VPS54: variants seen among roughly 807,000 people sequenced by gnomAD.
VPS54 encodes vacuolar protein sorting-associated protein 54.
A neutral mutation model predicts 121.5 loss-of-function variants in VPS54; 45 were observed. The ratio of observed to expected loss-of-function variants is 0.37; its 90% CI spans 0.29 to 0.47. The LOEUF is 0.47. Ranked by LOEUF, VPS54 falls within the 20% of genes least tolerant of loss-of-function variation. The pLI, the probability that VPS54 is intolerant of heterozygous loss-of-function variation, is 0.99. For synonymous variants in VPS54, 371 were observed against 385.8 expected (o/e 0.96, Z 0.45); for missense variants, 1,090 against 1,131.4 (o/e 0.96, Z 0.52).
At chr2:63,978,918 C>G (rs1256326133) in intron 3 of VPS54, among the ~76,000 whole-genome samples, 1 of 152,158 alleles carries the variant, frequency 6.6e-6, no homozygotes, top group Non-Finnish European at 1.5e-5. Context: ...CCATGCCCAG[C>G]CAGATTATCT....
At chr2:64,015,230 A>G (rs1224356110) in intron 1 of VPS54, among the ~76,000 whole-genome samples, 2 of 152,228 alleles carry the variant, frequency 1.3e-5, no homozygotes, top group African/African-American at 4.8e-5. Flanking sequence ...CCAAATTTGC[A>G]GTAAATTAAG....
intron 1 of VPS54, among the ~76,000 whole-genome samples, chr2:64,001,272 GCT>G (rs1263780583): frequency 6.6e-6 from 1 of 152,104 alleles, no homozygotes; most frequent in Non-Finnish European, 1.5e-5. Flanking sequence ...CCTTCAGTAA[GCT>G]CCCCTCTGGT....
intron 7 of VPS54, among the ~76,000 whole-genome samples, chr2:63,957,634 G>A (rs1675565105): frequency 6.6e-6 from 1 of 151,904 alleles, no homozygotes; most frequent in Admixed American, 6.6e-5. Flanking sequence ...AATCAAACTT[G>A]GAACTTATAC....
chr2:63,920,700 G>A (rs1440002), intron 13 of VPS54, 73 bp from the exon 14 acceptor site: 179,889 of 827,290 alleles, frequency 0.22, 20,811 homozygotes, highest in African/African-American at 0.34. Flanking sequence ...TTAGTTTAAC[G>A]ATTATTATAA....
rs1168956821 is a variant in VPS54 at position 63,923,294 on chromosome 2, C to T, written c.1740-1959G>A. 2.8e-5 allele frequency among the ~76,000 whole-genome samples: 4 copies of T among 145,310 alleles called. No individual in the cohort carries two copies. In the Admixed American group the frequency reaches 2.8e-4, roughly 10 times the overall value. On this transcript the variant is annotated intron_variant, in intron 12 of 22. Transcript: ENST00000272322. ...TCGCACCACTGCACTCCAGCCTGGG[C>T]AAAGGAGTGAGGAAAAAAAAAAAGA...
chr2:63,925,518 A>T (rs1334985234), intron 12 of VPS54, among the ~76,000 whole-genome samples: 1 of 152,230 alleles, frequency 6.6e-6, no homozygotes, highest in African/African-American at 2.4e-5. Flanking sequence ...TATATATTCA[A>T]CAGCAATGCT....
intron 20 of VPS54, among the ~76,000 whole-genome samples, chr2:63,903,325 G>A (rs1672768499): frequency 6.6e-6 from 1 of 152,180 alleles, no homozygotes; most frequent in African/African-American, 2.4e-5. Context: ...GAAAAGTGAA[G>A]AGAAAATACA....
Position 63,962,330 on chromosome 2 carries a change from C to T in VPS54, c.738G>A (p.Arg246=), listed in dbSNP as rs1433421051. ...TSQHELQDYL[R]KTSQAVKMLR... ...GCATTTTTACAGCCTGGGAAGTTTT[C>T]CTGAGGTAGTCCTGCAACTCGTGTT... is the stretch of plus-strand genomic sequence containing the variant. Residue 246 remains arginine (R), a synonymous_variant, in exon 7 of 23, where the codon AGG becomes AGA. Coordinates refer to ENST00000272322, the MANE Select transcript of VPS54 (RefSeq NM_016516.3). 2 of 1,613,912 alleles carry T rather than the reference C, an allele frequency of 1.2e-6. No individual in the cohort carries two copies. The highest frequency in any genetic ancestry group is 1.7e-6 in the Non-Finnish European group (2 of 1,179,890).
At chr2:63,993,621 T>C (rs1033149302) in intron 1 of VPS54, among the ~76,000 whole-genome samples, 5 of 152,256 alleles carry the variant, frequency 3.3e-5, no homozygotes, top group African/African-American at 1.2e-4. Context: ...AATTTAATTG[T>C]AGTTCCTTTA....
chr2:63,971,274 C>A (rs1676274387), intron 4 of VPS54, among the ~76,000 whole-genome samples: 1 of 152,182 alleles, frequency 6.6e-6, no homozygotes, highest in Non-Finnish European at 1.5e-5. Flanking sequence ...GTCTCCTTGC[C>A]TCTAGTCTAA....
rs1018487275 is a variant in VPS54 at position 63,947,445 on chromosome 2, GCTTT to G, written c.1179_1182del (p.Arg393SerfsTer5). On this transcript the variant is annotated frameshift_variant, in exon 9 of 23. Transcript: ENST00000272322. LOFTEE classifies it high-confidence loss of function. ...TCACCATAGATTTCTAAAAAATTAA[GCTTT>G]CTTTGTTTTAAAAGTCCAAATACAA... 1.2e-5 allele frequency: 18 copies of G among 1,549,440 alleles called. No homozygotes were observed. Among genetic ancestry groups the G allele is most frequent in the African/African-American group, 5.5e-5 (4 of 73,330 alleles).
At chr2:63,959,819 G>A (rs1215803358) in intron 7 of VPS54, among the ~76,000 whole-genome samples, 1 of 151,990 alleles carries the variant, frequency 6.6e-6, no homozygotes, top group Admixed American at 6.6e-5. Context: ...TCAGGAGTTC[G>A]AGACCAGCCT....
chr2:64,001,969 A>C (rs1469873296), intron 1 of VPS54, among the ~76,000 whole-genome samples: 1 of 151,974 alleles, frequency 6.6e-6, no homozygotes, highest in Non-Finnish European at 1.5e-5. Context: ...TTTATTTAGG[A>C]CCCCGGCACA....
intron 3 of VPS54, among the ~76,000 whole-genome samples, chr2:63,978,381 C>T (rs775863332): frequency 3.3e-4 from 50 of 152,198 alleles, no homozygotes; most frequent in Non-Finnish European, 6.6e-4. Flanking sequence ...GAGGTACCCA[C>T]TCTCAGATTT....
intron 11 of VPS54, 28 bp downstream of exon 11, chr2:63,942,437 T>C (rs769051132): frequency 6.0e-6 from 9 of 1,498,904 alleles, no homozygotes; most frequent in Non-Finnish European, 9.0e-7. Context: ...TTTAGGGATA[T>C]TCTAGACAAA....
Position 63,921,201 on chromosome 2 carries a change from G to C in VPS54, c.1869+5C>G. On this transcript the variant is annotated splice_donor_5th_base_variant and intron_variant, in intron 13 of 22. Coordinates refer to ENST00000272322, the MANE Select transcript of VPS54 (RefSeq NM_016516.3). ...AAATATATAAAGCTTTATGAAAATAGCTACCTTTGCTCTTGACATGAGAAA... is the reference window on the plus strand; with the variant it reads ...AAATATATAAAGCTTTATGAAAATACCTACCTTTGCTCTTGACATGAGAAA... The C allele has an allele frequency of 6.2e-7, 1 of 1,601,430 alleles. No individual in the cohort carries two copies. Among genetic ancestry groups the C allele is most frequent in the Non-Finnish European group, 8.5e-7 (1 of 1,174,298 alleles).
chr2:63,946,895 T>C (rs1336676329), intron 9 of VPS54, among the ~76,000 whole-genome samples: 1 of 152,086 alleles, frequency 6.6e-6, no homozygotes, highest in African/African-American at 2.4e-5. Context: ...CCAATACTTC[T>C]AGGAATCAGT....
At position 63,947,398 on chromosome 2, in the gene VPS54, C is replaced by A. The variant is rs1575944097; in HGVS notation, c.1230G>T (p.Lys410Asn). 1 of 1,556,384 alleles carries A rather than the reference C, an allele frequency of 6.4e-7. No homozygotes were observed. The highest frequency in any genetic ancestry group is 1.1e-5 in the South Asian group (1 of 87,084). ...GCATAATTACCTGTTTAATGATATTCTTTGCTGTAATAACCATTTTTTCAC... is the reference window on the plus strand; with the variant it reads ...GCATAATTACCTGTTTAATGATATTATTTGCTGTAATAACCATTTTTTCAC... ...IYGEKMVITA[K>N]NIIKQCVINK... The change falls in exon 9 of 23, where the codon AAG (lysine) becomes AAT (asparagine). Residue 410 changes from lysine to asparagine, a missense_variant. Coordinates refer to ENST00000272322, the MANE Select transcript of VPS54 (RefSeq NM_016516.3).
At chr2:63,932,194 G>A (rs141953228) in intron 12 of VPS54, among the ~76,000 whole-genome samples, 2 of 152,198 alleles carry the variant, frequency 1.3e-5, no homozygotes, top group Non-Finnish European at 2.9e-5. Context: ...CTACGATGAA[G>A]ACACATGCAC....
Sources: gnomAD v4.1 joint callset for allele counts (sites outside exome capture counted in the v4.1 genomes callset) on GRCh38, gnomAD v4.1.1 for gene constraint, MANE v1.5 for transcripts, NCBI Gene and HGNC (gene_info 2026-07-23, HGNC 2026-07-21) for gene names.